Variants in KIAA1217 observed in about 807,000 individuals in gnomAD.
The protein encoded by KIAA1217 is sickle tail protein homolog.
A neutral mutation model predicts 163.9 loss-of-function variants in KIAA1217; 88 were observed. The ratio of observed to expected loss-of-function variants is 0.54; its 90% CI spans 0.45 to 0.64. The LOEUF is 0.64. Among genes scored for constraint, KIAA1217 ranks in the 30% least tolerant of loss-of-function variants. The pLI is 0.00. For synonymous variants in KIAA1217, 903 were observed against 923.1 expected (o/e 0.98, Z 0.39); for missense variants, 2,372 against 2,475.0 (o/e 0.96, Z 0.88).
At chr10:24,525,085 G>A (rs944688450) in intron 13 of KIAA1217, among the ~76,000 whole-genome samples, 5 of 152,088 alleles carry the variant, frequency 3.3e-5, no homozygotes, top group Non-Finnish European at 7.4e-5. Flanking sequence ...GCGGCGGGGT[G>A]GGGGGGCAGA....
intron 2 of KIAA1217, among the ~76,000 whole-genome samples, chr10:24,332,943 T>C (rs2045876491): frequency 6.6e-6 from 1 of 152,072 alleles, no homozygotes; most frequent in South Asian, 2.1e-4. Context: ...TTATGATTAT[T>C]TAGAGGCACA....
chr10:23,733,622 GT>G (rs201508066), intron 1 of KIAA1217, among the ~76,000 whole-genome samples: 3 of 92,392 alleles, frequency 3.2e-5, no homozygotes, highest in Non-Finnish European at 6.7e-5. Context: ...TTGTTGTTAT[GT>G]TTTTTTTTCT....
intron 3 of KIAA1217, among the ~76,000 whole-genome samples, chr10:24,393,181 G>A (rs2055217552): frequency 2.0e-5 from 3 of 152,256 alleles, no homozygotes; most frequent in South Asian, 2.1e-4. Context: ...AAGGCTGCCC[G>A]CTGATGTCCA....
At chr10:24,475,445 CCTT>C (rs1396912785) in intron 6 of KIAA1217, among the ~76,000 whole-genome samples, 1 of 152,066 alleles carries the variant, frequency 6.6e-6, no homozygotes, top group Admixed American at 6.6e-5. Context: ...AAGGGCAATC[CCTT>C]CTTACTTGTT....
chr10:24,537,149 A>T lies in KIAA1217; in HGVS notation c.3534+256A>T, dbSNP rs73604499. ...CACTATCTTCCCAAACTAAAGAGTG[A>T]ACACCTTTCAGTACTTTCTAGAACA... On this transcript the variant is annotated intron_variant, in intron 17 of 20. Transcript: ENST00000376454. Among the ~76,000 whole-genome samples the T allele has an allele frequency of 3.1e-3, 469 of 152,328 alleles. 2 individuals are homozygous for T. Among genetic ancestry groups the T allele is most frequent in the African/African-American group, 0.011 (454 of 41,560 alleles).
At chr10:24,519,989 C>CCACCA (rs2070832699) in intron 10 of KIAA1217, 134 bp from the exon 11 acceptor site, 2 of 991,048 alleles carry the variant, frequency 2.0e-6, no homozygotes, top group Non-Finnish European at 3.0e-6. Context: ...CCCTCCACCA[C>CCACCA]CACCACACGA....
chr10:24,339,099 C>A (rs2133779172), intron 2 of KIAA1217, among the ~76,000 whole-genome samples: 1 of 152,218 alleles, frequency 6.6e-6, no homozygotes, highest in East Asian at 1.9e-4. Flanking sequence ...GTGAAAGAAC[C>A]TGATAGGTTT....
intron 2 of KIAA1217, among the ~76,000 whole-genome samples, chr10:24,069,605 A>G (rs1324169025): frequency 2.6e-5 from 4 of 152,204 alleles, no homozygotes; most frequent in Non-Finnish European, 5.9e-5. Context: ...GGTAGGGGTT[A>G]TAGAAGAGGT....
At chr10:23,848,883 T>C (rs1157525613) in intron 1 of KIAA1217, among the ~76,000 whole-genome samples, 1 of 152,120 alleles carries the variant, frequency 6.6e-6, no homozygotes, top group Non-Finnish European at 1.5e-5. Context: ...ATTTACCTCA[T>C]CCTCACTAAT....
chr10:24,278,707 T>C (rs2077569188), intron 2 of KIAA1217, among the ~76,000 whole-genome samples: 1 of 152,204 alleles, frequency 6.6e-6, no homozygotes, highest in South Asian at 2.1e-4. Flanking sequence ...AAGTGGGTGT[T>C]ACCACTAGCG....
rs571225556 is a variant in KIAA1217, at chr10:24,513,301, G to A, written c.2044G>A (p.Glu682Lys). The A allele has an allele frequency of 1.5e-5, 24 of 1,614,138 alleles. No individual in the cohort carries two copies. Among genetic ancestry groups the A allele is most frequent in the South Asian group, 3.3e-5 (3 of 91,076 alleles). Residue 682 changes from glutamate (E) to lysine (K), a missense_variant, in exon 10 of 21, where the codon GAG (glutamate) becomes AAG (lysine). Around this residue, in one of 3 missense-constraint regions of KIAA1217, gnomAD observed 1,431 missense variants for 1,470.3 expected, o/e 0.97. Coordinates refer to ENST00000376454, the MANE Select transcript of KIAA1217 (RefSeq NM_019590.5). ...ELLRAMMKKA[E>K]LEISGKVMET... ...GCTGAGGGCAATGATGAAGAAGGCC[G>A]AGCTGGAAATCAGTGGCAAAGTGAT...
chr10:23,973,488 C>T (rs1368049216), intron 1 of KIAA1217, among the ~76,000 whole-genome samples: 1 of 152,148 alleles, frequency 6.6e-6, no homozygotes, highest in African/African-American at 2.4e-5. Context: ...GATAGATTAC[C>T]GTTCATTCCT....
In KIAA1217 at chr10:23,847,797, A is replaced by C. The variant is rs979225979; in HGVS notation, c.-321+152563A>C. On this transcript the variant is annotated intron_variant, in intron 1 of 18. Transcript: ENST00000376462. ...TTGCTCTTGCTTCTCTAGTTCTTTC[A>C]ATTGTGATGTTAGGGTGTCGATTTT... Among the ~76,000 whole-genome samples, 5 of 151,824 alleles carry C rather than the reference A, an allele frequency of 3.3e-5. No individual in the cohort carries two copies. The East Asian group carries it at 7.8e-4, about 24-fold the overall frequency.
chr10:24,470,895 C>G (rs2063444251), intron 5 of KIAA1217, among the ~76,000 whole-genome samples: 1 of 152,158 alleles, frequency 6.6e-6, no homozygotes, highest in South Asian at 2.1e-4. Flanking sequence ...GATAAGGAAG[C>G]CATGGGAGTC....
At chr10:23,919,651 C>T (rs113971299) in intron 1 of KIAA1217, among the ~76,000 whole-genome samples, 2,290 of 143,802 alleles carry the variant, frequency 0.016, 74 homozygotes, top group African/African-American at 0.053. Flanking sequence ...GATTCATTTA[C>T]TCATTCATTC....
intron 1 of KIAA1217, among the ~76,000 whole-genome samples, chr10:23,801,774 CAT>C (rs1230634503): frequency 6.6e-6 from 1 of 152,168 alleles, no homozygotes; most frequent in Non-Finnish European, 1.5e-5. Flanking sequence ...CTTAAGGTCA[CAT>C]AGGTGATAGT....
intron 1 of KIAA1217, among the ~76,000 whole-genome samples, chr10:23,717,102 TC>T (rs1474055556): frequency 3.9e-5 from 6 of 152,154 alleles, no homozygotes; most frequent in Non-Finnish European, 7.4e-5. Flanking sequence ...CCCCTTCTCT[TC>T]CCAGCCTGTC....
chr10:23,728,130 TAGAATGTCTTTATAGA>T (rs775999557), intron 1 of KIAA1217, among the ~76,000 whole-genome samples: 46 of 152,156 alleles, frequency 3.0e-4, no homozygotes, highest in Non-Finnish European at 5.9e-4. Flanking sequence ...ATCTTTATAG[TAGAATGTCTTTATAGA>T]AGAATGATAT....
At chr10:24,495,442 G>T (rs1466197311) in intron 8 of KIAA1217, among the ~76,000 whole-genome samples, 1 of 152,178 alleles carries the variant, frequency 6.6e-6, no homozygotes, top group African/African-American at 2.4e-5. Context: ...CCACACGGTG[G>T]TCATCTTGCA....
Sources: allele counts gnomAD v4.1 joint callset (sites outside exome capture counted in the v4.1 genomes callset), GRCh38; gene constraint gnomAD v4.1.1; regional missense constraint gnomAD v4.1.1; transcripts MANE v1.5; gene names NCBI Gene and HGNC (gene_info 2026-07-23, HGNC 2026-07-21).